SLC12A8: variants seen among roughly 807,000 people sequenced by gnomAD.
The protein encoded by SLC12A8 is solute carrier family 12 member 8.
Under a neutral mutation model 75.6 loss-of-function variants are expected in SLC12A8, and 69 were observed. The observed-to-expected ratio is 0.91, with a 90% CI of 0.75 to 1.11. SLC12A8 has a LOEUF of 1.11. Ranked by LOEUF, SLC12A8 falls within the 50% of genes most tolerant of loss-of-function variation. The probability of loss-of-function intolerance (pLI) is 0.00; values close to 1 mark genes in which losing one functional copy is unlikely to be tolerated. For missense variants in SLC12A8, 877 were observed against 896.7 expected, an observed-to-expected ratio of 0.98 and a Z score of 0.28; for synonymous variants, 365 against 372.8, an observed-to-expected ratio of 0.98 and a Z score of 0.24.
chr3:125,088,570 T>C (rs115314482), intron 12 of SLC12A8, among the ~76,000 whole-genome samples, 200 bp from the exon 13 acceptor site: 2,294 of 152,340 alleles, frequency 0.015, 53 homozygotes, highest in Admixed American at 0.049. Flanking sequence ...TTTACTCATG[T>C]GAATCCTTCA....
At chr3:125,153,318 C>T (rs1174343151) in intron 5 of SLC12A8, among the ~76,000 whole-genome samples, 2 of 152,194 alleles carry the variant, frequency 1.3e-5, no homozygotes, top group African/African-American at 4.8e-5. Context: ...TCTGCATTTC[C>T]TACTCAGCAC....
intron 5 of SLC12A8, among the ~76,000 whole-genome samples, chr3:125,162,787 T>G (rs1934202596): frequency 6.6e-6 from 1 of 152,076 alleles, no homozygotes; most frequent in Non-Finnish European, 1.5e-5. Flanking sequence ...CTAACATACA[T>G]AATGGTGATT....
At chr3:125,210,212 A>C (rs892048079) in intron 2 of SLC12A8, among the ~76,000 whole-genome samples, 1 of 152,236 alleles carries the variant, frequency 6.6e-6, no homozygotes, top group Non-Finnish European at 1.5e-5. Flanking sequence ...CTTAAATACC[A>C]ATTTAAATAC....
At chr3:125,174,915 C>T (rs537080395) in intron 5 of SLC12A8, among the ~76,000 whole-genome samples, 3 of 152,132 alleles carry the variant, frequency 2.0e-5, no homozygotes, top group African/African-American at 7.2e-5. Context: ...TTGTCAAAAT[C>T]CATAGAATGT....
intron 10 of SLC12A8, among the ~76,000 whole-genome samples, chr3:125,095,349 T>C (rs1330244944): frequency 6.6e-6 from 1 of 152,226 alleles, no homozygotes; most frequent in Non-Finnish European, 1.5e-5. Context: ...GACTCCCTTC[T>C]TTCTCTCACA....
chr3:125,172,717 G>GA (rs1934431490), intron 5 of SLC12A8, among the ~76,000 whole-genome samples: 1 of 152,208 alleles, frequency 6.6e-6, no homozygotes. Flanking sequence ...GGAAAGAAGT[G>GA]GAGAAACTGA....
Position 125,160,030 on chromosome 3 carries a change from C to T in SLC12A8, c.622+17713G>A, listed in dbSNP as rs561810327. On this transcript the variant is annotated intron_variant, in intron 5 of 13. Coordinates refer to ENST00000469902, the MANE Select transcript of SLC12A8 (RefSeq NM_024628.6). ...CTGGAGTGCTCACTGTGACCTCGAA[C>T]TCTTGGGCTCAAGTGATTCCTCCTG... is the stretch of plus-strand genomic sequence containing the variant. Among the ~76,000 whole-genome samples the T allele has an allele frequency of 5.3e-5, 8 of 152,362 alleles. No individual in the cohort carries two copies. In the East Asian group the frequency reaches 1.5e-3, roughly 29 times the overall value.
Position 125,204,867 on chromosome 3 carries a change from CA to C in SLC12A8, c.51+6431del, listed in dbSNP as rs371018429. 3.8e-3 allele frequency among the ~76,000 whole-genome samples: 572 copies of C among 152,208 alleles called. 2 individuals carry two copies. The highest frequency in any genetic ancestry group is 0.013 in the African/African-American group (542 of 41,522). ...ATAAATACGTATAATTATTATATAT[CA>C]ACTTAAAAATGTTTTAAAATCTTGC... On this transcript the variant is annotated intron_variant, in intron 2 of 13. Transcript: ENST00000469902.
Position 125,092,141 on chromosome 3 carries a change from A to G in SLC12A8, c.1763T>C (p.Phe588Ser), listed in dbSNP as rs761656679. The change falls in exon 11 of 14, where the codon TTC (phenylalanine) becomes TCC (serine). Residue 588 changes from phenylalanine (F) to serine (S), a missense_variant. By Grantham distance (155) the Phe-to-Ser change is radical. Transcript: ENST00000469902. ...EQDVWRRSTS[F>S]YTHMCNPWVS... ...CCAGGGGTTGCACATGTGGGTATAG[A>G]AAGAAGTGGATCTTCTCCAGACATC... 30 of 1,613,040 alleles carry G rather than the reference A, an allele frequency of 1.9e-5. No homozygotes were observed. The highest frequency in any genetic ancestry group is 2.5e-5 in the Non-Finnish European group (30 of 1,179,278).
intron 10 of SLC12A8, among the ~76,000 whole-genome samples, chr3:125,095,971 C>T (rs1371438411): frequency 1.3e-5 from 2 of 152,240 alleles, no homozygotes; most frequent in Non-Finnish European, 2.9e-5. Flanking sequence ...GTAGCTAGAA[C>T]TTTCAGCGCC....
intron 5 of SLC12A8, among the ~76,000 whole-genome samples, chr3:125,157,997 C>A (rs191522299): frequency 2.7e-4 from 41 of 151,766 alleles, no homozygotes; most frequent in Admixed American, 2.6e-3. Context: ...GGGGAGGAGA[C>A]AAAGAAATAC....
At chr3:125,103,459 TA>T (rs34404091) in intron 10 of SLC12A8, among the ~76,000 whole-genome samples, 47,100 of 120,902 alleles carry the variant, frequency 0.39, 9,182 homozygotes, top group Middle Eastern at 0.54. Context: ...GTACTTCACT[TA>T]AAAAAAAAAA....
chr3:125,159,271 T>G (rs1237723819), intron 5 of SLC12A8, among the ~76,000 whole-genome samples: 1 of 152,178 alleles, frequency 6.6e-6, no homozygotes, highest in East Asian at 1.9e-4. Flanking sequence ...CAAAGAACTT[T>G]TTTTTTTAGA....
chr3:125,197,369 G>A (rs958597866), intron 2 of SLC12A8, among the ~76,000 whole-genome samples: 63 of 152,212 alleles, frequency 4.1e-4, no homozygotes, highest in African/African-American at 1.5e-3. Context: ...ACGGCTCACT[G>A]CAGCCTCAAC....
At chr3:125,168,069 G>C (rs539026667) in intron 5 of SLC12A8, among the ~76,000 whole-genome samples, 5 of 152,226 alleles carry the variant, frequency 3.3e-5, no homozygotes. Context: ...CTTAGGAAAT[G>C]GCTGGGGACA....
At chr3:125,120,553 C>G (rs373980813) in intron 7 of SLC12A8, 46 bp downstream of exon 7, 8 of 1,428,212 alleles carry the variant, frequency 5.6e-6, no homozygotes, top group Non-Finnish European at 7.9e-6. Context: ...CTGGGGTTTT[C>G]TCTCCCACTC....
At chr3:125,100,969 C>A (rs1001760430) in intron 10 of SLC12A8, among the ~76,000 whole-genome samples, 1 of 142,378 alleles carries the variant, frequency 7.0e-6, no homozygotes. Flanking sequence ...GCCGAGATTG[C>A]GCCACTGCAG....
chr3:125,112,595 G>A (rs1282901722), intron 8 of SLC12A8, among the ~76,000 whole-genome samples: 1 of 152,070 alleles, frequency 6.6e-6, no homozygotes, highest in African/African-American at 2.4e-5. Flanking sequence ...CGTGCCCTAG[G>A]TGCCTTACAA....
At chr3:125,148,231 G>C (rs7625590) in intron 5 of SLC12A8, among the ~76,000 whole-genome samples, 64,923 of 152,078 alleles carry the variant, frequency 0.43, 14,742 homozygotes, top group African/African-American at 0.58. Flanking sequence ...AGATTTAAAG[G>C]CAAATGCAAT....
Sources: gnomAD v4.1 joint callset for allele counts (sites outside exome capture counted in the v4.1 genomes callset) on GRCh38, gnomAD v4.1.1 for gene constraint, MANE v1.5 for transcripts, NCBI Gene and HGNC (gene_info 2026-07-23, HGNC 2026-07-21) for gene names.